Variants in MLXIP observed in about 807,000 individuals in gnomAD.
The protein encoded by MLXIP is MLX interacting protein.
Under a neutral mutation model 87.2 loss-of-function variants are expected in MLXIP, and 30 were observed. That is an observed-to-expected ratio of 0.34 (90% CI 0.26 to 0.47). MLXIP has a LOEUF of 0.47. Ranked by LOEUF, MLXIP falls within the 20% of genes least tolerant of loss-of-function variation. The pLI is 1.00. For synonymous variants in MLXIP, 530 were observed against 514.0 expected (o/e 1.03, Z -0.42); for missense variants, 1,002 against 1,240.1 (o/e 0.81, Z 2.88).
At chr12:122,111,677 C>T (rs910732303) in intron 1 of MLXIP, among the ~76,000 whole-genome samples, 2 of 152,098 alleles carry the variant, frequency 1.3e-5, no homozygotes, top group South Asian at 2.1e-4. Context: ...GGTATAACTG[C>T]GTGATTTGGT....
At position 122,127,930 on chromosome 12, in the gene MLXIP, G is replaced by A; in HGVS notation, c.568G>A (p.Asp190Asn). The A allele has an allele frequency of 6.2e-7, 1 of 1,613,838 alleles. No homozygotes were observed. The change falls in exon 3 of 17, where the codon GAC becomes AAC. Residue 190 changes from aspartate to asparagine, a missense_variant. Physicochemically the swap from Asp to Asn is conservative, Grantham distance 23 (BLOSUM62 1). Coordinates refer to ENST00000319080, the MANE Select transcript of MLXIP (RefSeq NM_014938.6). ...NPVCHFVTPL[D>N]GSVDVDEHRR... ...TGTGTGCCACTTTGTGACACCCCTG[G>A]ACGGCTCTGTGGACGTAGACGAGCA...
At chr12:122,096,110 C>A (rs1470860611) in intron 1 of MLXIP, among the ~76,000 whole-genome samples, 2 of 151,958 alleles carry the variant, frequency 1.3e-5, no homozygotes, top group Non-Finnish European at 2.9e-5. Flanking sequence ...ATAGGTCTCA[C>A]TTTGTTGCCT....
At chr12:122,130,774 A>C in intron 6 of MLXIP, 70 bp from the exon 7 acceptor site, 1 of 1,055,556 alleles carries the variant, frequency 9.5e-7, no homozygotes, top group Non-Finnish European at 1.5e-6. Flanking sequence ...GTTCTGTTCC[A>C]GGCCTTTTTT....
rs146864740 is a variant in MLXIP at position 122,105,234 on chromosome 12, T to C, written c.414-22022T>C. Among the ~76,000 whole-genome samples the C allele has an allele frequency of 2.3e-3, 353 of 152,302 alleles. 1 individual carries two copies. Among genetic ancestry groups the C allele is most frequent in the African/African-American group, 7.8e-3 (324 of 41,572 alleles). ...TTAGTCACTGGGGAAGCTTCACTGA[T>C]TGTGGAGCTCCTTACACCTTAAGGA... On this transcript the variant is annotated intron_variant, in intron 1 of 16. Transcript: ENST00000319080.
intron 1 of MLXIP, among the ~76,000 whole-genome samples, chr12:122,121,414 C>T (rs1010360949): frequency 6.0e-5 from 9 of 149,868 alleles, no homozygotes; most frequent in Non-Finnish European, 8.9e-5. Flanking sequence ...ATTACAGGCA[C>T]GTGCCACCAT....
intron 1 of MLXIP, among the ~76,000 whole-genome samples, chr12:122,087,873 G>A (rs1368774430): frequency 6.6e-6 from 1 of 152,198 alleles, no homozygotes; most frequent in Non-Finnish European, 1.5e-5. Flanking sequence ...TGGACTTGCT[G>A]GTGAATTGGA....
chr12:122,133,918 C>T lies in MLXIP; in HGVS notation c.1663C>T (p.His555Tyr). The T allele has an allele frequency of 6.2e-7, 1 of 1,609,176 alleles. No homozygotes were observed. The highest frequency in any genetic ancestry group is 1.1e-5 in the South Asian group (1 of 90,170). ...GACTGGGGGCAGGCCTAAGCAGCCCCACAAAATAGTGCCTGCTCCCAAACC... is the reference window on the plus strand; with the variant it reads ...GACTGGGGGCAGGCCTAAGCAGCCCTACAAAATAGTGCCTGCTCCCAAACC... Reference protein sequence around the residue: ...SLTGGRPKQPHKIVPAPKPEP... With the variant: ...SLTGGRPKQPYKIVPAPKPEP... The change falls in exon 9 of 17, where the codon CAC becomes TAC. Residue 555 changes from histidine to tyrosine, a missense_variant. His to Tyr is a moderately conservative substitution (Grantham distance 83, BLOSUM62 2). Around this residue, in one of 3 missense-constraint regions of MLXIP, gnomAD observed 746 missense variants for 897.0 expected, o/e 0.83. Transcript: ENST00000319080. The surrounding 1 kb of genome is among the most constrained non-coding windows in gnomAD (Gnocchi z 4.9).
intron 1 of MLXIP, among the ~76,000 whole-genome samples, chr12:122,093,452 G>A (rs1035772202): frequency 4.8e-5 from 7 of 146,106 alleles, no homozygotes; most frequent in African/African-American, 1.3e-4. Flanking sequence ...GTATGTGTGG[G>A]GTGTGTGTAT....
rs1403868816 is a variant in MLXIP at position 122,133,307 on chromosome 12, G to T, written c.1093-41G>T. On this transcript the variant is annotated intron_variant, in intron 8 of 16. Transcript: ENST00000319080. This position sits in a 1 kb window ranked among gnomAD's most constrained non-coding sequence, Gnocchi z 4.9. ...GTGCAGCGCTAGAAAGGAATTGTCT[G>T]ACCCCAGCATTGCTTCCTGGCTCCT... The T allele has an allele frequency of 2.0e-6, 3 of 1,521,532 alleles. No homozygotes were observed. Among genetic ancestry groups the T allele is most frequent in the East Asian group, 2.3e-5 (1 of 44,052 alleles). The allele number at this position is 1,521,532 out of a possible 1,614,324, so 94.3% of individuals were successfully genotyped here. A position where few individuals can be genotyped will look rare whatever the true frequency, so the allele number is the denominator to read the frequency against.
At chr12:122,082,583 A>G (rs1478121686) in intron 1 of MLXIP, among the ~76,000 whole-genome samples, 2 of 152,178 alleles carry the variant, frequency 1.3e-5, no homozygotes, top group African/African-American at 4.8e-5. Context: ...CTGCATCTGC[A>G]TTCATCTGAC....
At chr12:122,131,363 T>C (rs1290678609) in intron 7 of MLXIP, among the ~76,000 whole-genome samples, 1 of 151,560 alleles carries the variant, frequency 6.6e-6, no homozygotes, top group African/African-American at 2.4e-5. Flanking sequence ...AAAAGGTGTC[T>C]CAGGGTAATA....
chr12:122,128,079 G>A (rs925288646), intron 3 of MLXIP, 111 bp downstream of exon 3: 53 of 925,524 alleles, frequency 5.7e-5, no homozygotes, highest in Admixed American at 3.2e-4. Context: ...GTAGTGCAGC[G>A]CCTGCCCTGC....
At chr12:122,089,407 C>T (rs1224122616) in intron 1 of MLXIP, among the ~76,000 whole-genome samples, 1 of 152,170 alleles carries the variant, frequency 6.6e-6, no homozygotes, top group Non-Finnish European at 1.5e-5. Context: ...ATATAATTAT[C>T]CTAGCTTGGT....
chr12:122,097,698 C>G (rs1456574754), intron 1 of MLXIP, among the ~76,000 whole-genome samples: 1 of 152,164 alleles, frequency 6.6e-6, no homozygotes, highest in African/African-American at 2.4e-5. Context: ...CCCACCATCC[C>G]CCTGCTGTGT....
chr12:122,109,392 T>C (rs1470731375), intron 1 of MLXIP, among the ~76,000 whole-genome samples: 1 of 152,202 alleles, frequency 6.6e-6, no homozygotes, highest in East Asian at 1.9e-4. Flanking sequence ...TTAGTAGTGA[T>C]GGGGTTTTGC....
At chr12:122,081,796 G>A (rs1952095693) in intron 1 of MLXIP, among the ~76,000 whole-genome samples, 1 of 152,188 alleles carries the variant, frequency 6.6e-6, no homozygotes, top group Non-Finnish European at 1.5e-5. Flanking sequence ...CCTCCTGCCC[G>A]AGCTGAGAAA....
chr12:122,108,051 G>C (rs947433387), intron 1 of MLXIP, among the ~76,000 whole-genome samples: 4 of 152,092 alleles, frequency 2.6e-5, no homozygotes, highest in African/African-American at 9.7e-5. Flanking sequence ...GCTGCTGATG[G>C]AGAAGATGAA....
rs1952910582 is a variant in MLXIP, at chr12:122,128,076, A to C, written c.606+108A>C. ...TAGGAGAGGCTGCCGAGGGTAGTGCAGCGCCTGCCCTGCGCCATCCATGCC... is the reference window on the plus strand; with the variant it reads ...TAGGAGAGGCTGCCGAGGGTAGTGCCGCGCCTGCCCTGCGCCATCCATGCC... On this transcript the variant is annotated intron_variant, in intron 3 of 16. Coordinates refer to ENST00000319080, the MANE Select transcript of MLXIP (RefSeq NM_014938.6). The C allele has an allele frequency of 2.9e-6, 3 of 1,022,618 alleles. No individual in the cohort carries two copies. The East Asian group carries it at 7.3e-5, about 25-fold the overall frequency. The allele number at this position is 1,022,618 out of a possible 1,614,324, so 63.3% of individuals were successfully genotyped here.
intron 1 of MLXIP, among the ~76,000 whole-genome samples, chr12:122,121,245 T>A (rs1952778904): frequency 6.6e-6 from 1 of 150,520 alleles, no homozygotes; most frequent in Admixed American, 6.6e-5. Flanking sequence ...CTTGACCTCA[T>A]GATCTGCCTG....
Sources: allele counts gnomAD v4.1 joint callset (sites outside exome capture counted in the v4.1 genomes callset), GRCh38; gene constraint gnomAD v4.1.1; regional missense constraint gnomAD v4.1.1; non-coding constraint Gnocchi (gnomAD v3.1); transcripts MANE v1.5; gene names NCBI Gene and HGNC (gene_info 2026-07-23, HGNC 2026-07-21).